Variants in CNDP1 observed in about 807,000 individuals in gnomAD.
CNDP1 encodes the protein beta-Ala-His dipeptidase.
A neutral mutation model predicts 58.1 loss-of-function variants in CNDP1; 44 were observed. The ratio of observed to expected loss-of-function variants is 0.76; its 90% CI spans 0.60 to 0.97. The LOEUF is 0.97. Ranked by LOEUF, CNDP1 falls within the 50% of genes least tolerant of loss-of-function variation. The pLI is 0.00. For missense variants in CNDP1, 616 were observed against 655.1 expected (o/e 0.94, Z 0.65); for synonymous variants, 254 against 252.6 (o/e 1.01, Z -0.05).
intron 1 of CNDP1, among the ~76,000 whole-genome samples, chr18:74,535,907 C>G (rs1276264811): frequency 6.6e-6 from 1 of 152,050 alleles, no homozygotes; most frequent in African/African-American, 2.4e-5. Context: ...TGGAGCATGC[C>G]TGTGGTCTCA....
chr18:74,554,759 G>A (rs1012475883), intron 1 of CNDP1, among the ~76,000 whole-genome samples: 17 of 152,276 alleles, frequency 1.1e-4, no homozygotes, highest in African/African-American at 4.1e-4. Context: ...TTACCCCAAG[G>A]GCAATGGGAC....
At chr18:74,563,256 C>T (rs1321622800) in intron 5 of CNDP1, among the ~76,000 whole-genome samples, 3 of 152,194 alleles carry the variant, frequency 2.0e-5, no homozygotes, top group South Asian at 2.1e-4. Context: ...CGGGCTCCTG[C>T]TGACCACTGC....
intron 7 of CNDP1, among the ~76,000 whole-genome samples, chr18:74,573,562 C>T (rs1353841035): frequency 1.3e-5 from 2 of 152,208 alleles, no homozygotes; most frequent in Non-Finnish European, 2.9e-5. Context: ...AGACGGAATA[C>T]ACCCAGCCAT....
At chr18:74,556,947 G>A (rs886704852) in intron 2 of CNDP1, among the ~76,000 whole-genome samples, 4 of 152,142 alleles carry the variant, frequency 2.6e-5, no homozygotes, top group Admixed American at 6.5e-5. Flanking sequence ...ACAGAGTCTC[G>A]CTCTGTCACC....
At chr18:74,575,310 A>G (rs921380557) in intron 7 of CNDP1, among the ~76,000 whole-genome samples, 2 of 152,230 alleles carry the variant, frequency 1.3e-5, no homozygotes, top group African/African-American at 4.8e-5. Context: ...CTAGTGAGGT[A>G]CAGTGCGTGC....
rs79221559 is a variant in CNDP1 at position 74,535,413 on chromosome 18, A to T, written c.24+722A>T. Among the ~76,000 whole-genome samples, 705 of 152,340 alleles carry T rather than the reference A, an allele frequency of 4.6e-3. 6 individuals are homozygous for T. The highest frequency in any genetic ancestry group is 0.016 in the African/African-American group (682 of 41,574). ...ACTGAAACAAATACATGCAAATGCG[A>T]GGCTGGAGACACAGTGAGCAGGCAG... On this transcript the variant is annotated intron_variant, in intron 1 of 11. Coordinates refer to ENST00000358821, the MANE Select transcript of CNDP1 (RefSeq NM_032649.6).
intron 1 of CNDP1, among the ~76,000 whole-genome samples, chr18:74,555,639 G>A (rs748845875): frequency 6.6e-6 from 1 of 152,110 alleles, no homozygotes; most frequent in African/African-American, 2.4e-5. Context: ...AGAGGTGGAC[G>A]GGCTGGGGAG....
intron 9 of CNDP1, 129 bp from the exon 10 acceptor site, chr18:74,580,001 G>A: frequency 2.5e-6 from 2 of 786,156 alleles, no homozygotes; most frequent in Non-Finnish European, 4.1e-6. Flanking sequence ...GTGTCAGGCT[G>A]GGGCTTCAGT....
chr18:74,582,468 G>A (rs1277889745), intron 10 of CNDP1, among the ~76,000 whole-genome samples: 1 of 152,150 alleles, frequency 6.6e-6, no homozygotes, highest in Non-Finnish European at 1.5e-5. Flanking sequence ...ACATTTGAGC[G>A]ATAGTACAGC....
At position 74,580,149 on chromosome 18, in the gene CNDP1, A is replaced by T; in HGVS notation, c.1187A>T (p.Asp396Val). Residue 396 changes from aspartate to valine, a missense_variant, in exon 10 of 12, where the codon GAT (aspartate) becomes GTT (valine). Coordinates refer to ENST00000358821, the MANE Select transcript of CNDP1 (RefSeq NM_032649.6). ...VEKQVTRHLE[D>V]VFSKRNSSNK... ...TTTTAGGTGACACGACATCTTGAAGATGTGTTCTCCAAAAGAAATAGTTCC... is the reference window on the plus strand; with the variant it reads ...TTTTAGGTGACACGACATCTTGAAGTTGTGTTCTCCAAAAGAAATAGTTCC... The T allele has an allele frequency of 6.2e-7, 1 of 1,613,676 alleles. No homozygotes were observed. The highest frequency in any genetic ancestry group is 8.5e-7 in the Non-Finnish European group (1 of 1,179,710).
intron 9 of CNDP1, among the ~76,000 whole-genome samples, chr18:74,578,628 T>G (rs1299334324): frequency 6.6e-6 from 1 of 152,030 alleles, no homozygotes; most frequent in East Asian, 1.9e-4. Context: ...CACTGTCTCT[T>G]AAAAAAACAA....
At chr18:74,556,239 C>G in intron 1 of CNDP1, 99 bp from the exon 2 acceptor site, 1 of 1,314,278 alleles carries the variant, frequency 7.6e-7, no homozygotes, top group Non-Finnish European at 1.1e-6. Context: ...CTGGAGGCAG[C>G]TGTGTGAGGT....
At chr18:74,556,298 A>C (rs377327126) in intron 1 of CNDP1, 40 bp from the exon 2 acceptor site, 1 of 1,599,922 alleles carries the variant, frequency 6.3e-7, no homozygotes, top group African/African-American at 1.3e-5. Context: ...AGCAACTGGC[A>C]TTGATTTTCA....
chr18:74,562,865 G>A (rs548577626), intron 5 of CNDP1, among the ~76,000 whole-genome samples: 2 of 152,372 alleles, frequency 1.3e-5, no homozygotes, highest in African/African-American at 4.8e-5. Context: ...GACACCAGCA[G>A]AGGATTGGAT....
At chr18:74,539,496 C>G (rs913507555) in intron 1 of CNDP1, among the ~76,000 whole-genome samples, 3 of 152,322 alleles carry the variant, frequency 2.0e-5, no homozygotes, top group Middle Eastern at 3.4e-3. Flanking sequence ...ATGAGGCATT[C>G]GGATCCTTCC....
chr18:74,572,811 AGAAAG>A (rs1303968064), intron 7 of CNDP1, among the ~76,000 whole-genome samples: 1 of 127,836 alleles, frequency 7.8e-6, no homozygotes, highest in Non-Finnish European at 1.6e-5. Flanking sequence ...AAAAAAAAAA[AGAAAG>A]AAAGAAAGAA....
intron 1 of CNDP1, among the ~76,000 whole-genome samples, chr18:74,547,480 A>G (rs1019123335): frequency 6.6e-6 from 1 of 152,222 alleles, no homozygotes; most frequent in African/African-American, 2.4e-5. Flanking sequence ...ATAAACAAAA[A>G]CAACCAGTGC....
At position 74,559,346 on chromosome 18, in the gene CNDP1, C is replaced by T. The variant is rs11538622; in HGVS notation, c.177C>T (p.Ile59=). 1.2e-5 allele frequency: 19 copies of T among 1,613,958 alleles called. No homozygotes were observed. The highest frequency in any genetic ancestry group is 2.2e-5 in the East Asian group (1 of 44,886). The change falls in exon 3 of 12, where the codon ATC becomes ATT. Residue 59 remains isoleucine, a synonymous_variant. Coordinates refer to ENST00000358821, the MANE Select transcript of CNDP1 (RefSeq NM_032649.6). ...FVQTLKEWVA[I]ESDSVQPVPR... ...AGACGCTGAAGGAGTGGGTGGCCAT[C>T]GAGAGCGACTCTGTCCAGCCTGTGC...
At position 74,559,391 on chromosome 18, in the gene CNDP1, C is replaced by A. The variant is rs1217687784; in HGVS notation, c.222C>A (p.Leu74=). 41 of 1,613,808 alleles carry A rather than the reference C, an allele frequency of 2.5e-5. No individual in the cohort carries two copies. Among genetic ancestry groups the A allele is most frequent in the Non-Finnish European group, 3.4e-5 (40 of 1,180,012 alleles). The change falls in exon 3 of 12, where the codon CTC becomes CTA. Residue 74 remains leucine, a synonymous_variant. Transcript: ENST00000358821. ...CTGTGCCTCGCTTCAGACAAGAGCT[C>A]TTCAGAATGATGGCCGTGGCTGCGG... is the stretch of plus-strand genomic sequence containing the variant. The part of the protein sequence containing the change: ...VQPVPRFRQE[L]FRMMAVAADT...
Sources: allele counts gnomAD v4.1 joint callset (sites outside exome capture counted in the v4.1 genomes callset), GRCh38; gene constraint gnomAD v4.1.1; transcripts MANE v1.5; gene names NCBI Gene and HGNC (gene_info 2026-07-23, HGNC 2026-07-21).